Variants in MYLK2 observed in about 807,000 individuals in gnomAD.
MYLK2 encodes myosin light chain kinase 2, also known as myosin light chain kinase 2, skeletal/cardiac muscle.
In MYLK2, 27 loss-of-function variants were observed where a neutral mutation model predicts 58.2. That is an observed-to-expected ratio of 0.46 (90% CI 0.34 to 0.64). The LOEUF (loss-of-function observed/expected upper bound fraction) is 0.64. MYLK2 is among the 30% of genes least tolerant of loss of function. The pLI is 0.01. For synonymous variants in MYLK2, 310 were observed against 296.7 expected, an observed-to-expected ratio of 1.04 and a Z score of -0.46; for missense variants, 676 against 764.3, an observed-to-expected ratio of 0.88 and a Z score of 1.36.
At chr20:31,827,032 C>T (rs2062283920) in intron 8 of MYLK2, 94 bp downstream of exon 8, 12 of 1,579,580 alleles carry the variant, frequency 7.6e-6, no homozygotes, top group Non-Finnish European at 8.6e-6. Context: ...CCTCCCATCC[C>T]TCCATCTCTT....
In MYLK2 at chr20:31,833,996, C is replaced by T. The variant is rs1173030529; in HGVS notation, c.*199C>T. 3 of 597,094 alleles carry T rather than the reference C, an allele frequency of 5.0e-6. No homozygotes were observed. The highest frequency in any genetic ancestry group is 3.9e-5 in the South Asian group (2 of 51,158). 37.0% of individuals were successfully genotyped at this position (597,094 alleles called of 1,614,324 possible). On this transcript the variant is annotated 3_prime_UTR_variant, in exon 13 of 13. Coordinates refer to ENST00000375985, the MANE Select transcript of MYLK2 (RefSeq NM_033118.4). ...CGATGTGAGCCGCCTCGGAGTGTGG[C>T]CTGGATCCATCCTGCTAGCACCTCC...
intron 6 of MYLK2, among the ~76,000 whole-genome samples, chr20:31,825,406 C>T (rs905962826): frequency 1.3e-5 from 2 of 152,162 alleles, no homozygotes; most frequent in Non-Finnish European, 2.9e-5. Context: ...TTATTGAGCA[C>T]TTCTCTGCCA....
In MYLK2 at chr20:31,820,054, G is replaced by A. The variant is rs529245369; in HGVS notation, c.53-72G>A. On this transcript the variant is annotated intron_variant, in intron 2 of 12. Coordinates refer to ENST00000375985, the MANE Select transcript of MYLK2 (RefSeq NM_033118.4). ...GGGTGGGAACCTGGGCCCAGAGCTGGTCTCTGCCCAGCCTGGGTGAGAGGG... is the reference window on the plus strand; with the variant it reads ...GGGTGGGAACCTGGGCCCAGAGCTGATCTCTGCCCAGCCTGGGTGAGAGGG... 8.4e-5 allele frequency: 134 copies of A among 1,597,202 alleles called. 2 individuals are homozygous for A. In the South Asian group the frequency reaches 1.4e-3, roughly 16 times the overall value.
chr20:31,833,791 G>T lies in MYLK2; in HGVS notation c.1785G>T (p.Gly595=), dbSNP rs1418961002. The stretch of plus-strand genomic sequence containing the variant: ...GCTCGGGGGCACTGATGGCTCTGGG[G>T]GTCTGAGCCCTGGGCGCAGCTGAAG... ...ISSSGALMAL[G]V The change falls in exon 13 of 13, where the codon GGG becomes GGT. Residue 595 remains glycine, a synonymous_variant. Transcript: ENST00000375985. 2 of 1,612,480 alleles carry T rather than the reference G, an allele frequency of 1.2e-6. No homozygotes were observed. The highest frequency in any genetic ancestry group is 1.1e-5 in the South Asian group (1 of 91,078).
intron 5 of MYLK2, chr20:31,823,827 A>G: frequency 1.7e-6 from 1 of 594,346 alleles, no homozygotes; most frequent in South Asian, 7.3e-5. Context: ...AATACACAGC[A>G]TTTTTCTGTC....
intron 5 of MYLK2, 73 bp from the exon 6 acceptor site, chr20:31,824,186 G>C (rs1183780561): frequency 1.3e-6 from 2 of 1,565,068 alleles, no homozygotes; most frequent in Non-Finnish European, 1.7e-6. Flanking sequence ...ACCAAGTTAG[G>C]ATCAGAGCAA....
chr20:31,826,866 G>T lies in MYLK2; in HGVS notation c.1152G>T (p.Met384Ile). The T allele has an allele frequency of 6.2e-7, 1 of 1,614,138 alleles. No homozygotes were observed. Among genetic ancestry groups the T allele is most frequent in the Non-Finnish European group, 8.5e-7 (1 of 1,180,028 alleles). ...ACCATCTGACCGAGGTGGACACCAT[G>T]GTGTTTGTCAGGCAGATCTGTGACG... ...EDYHLTEVDT[M>I]VFVRQICDGI... Residue 384 changes from methionine (M) to isoleucine (I), a missense_variant, in exon 8 of 13, where the codon ATG (methionine) becomes ATT (isoleucine). Physicochemically the swap from Met to Ile is conservative, Grantham distance 10. Transcript: ENST00000375985.
In MYLK2 at chr20:31,833,662, G is replaced by A. The variant is rs573742915; in HGVS notation, c.1711-55G>A. 7 of 1,502,872 alleles carry A rather than the reference G, an allele frequency of 4.7e-6. No individual in the cohort carries two copies. The South Asian group carries it at 5.6e-5, about 12-fold the overall frequency. The allele number at this position is 1,502,872 out of a possible 1,614,324, so 93.1% of individuals were successfully genotyped here. A position where few individuals can be genotyped will look rare whatever the true frequency, so the allele number is the denominator to read the frequency against. The stretch of plus-strand genomic sequence containing the variant: ...GACTTACAGGCTGCTCAGACACCCT[G>A]CAGCTGCCCCCCTGCCCTGGTGTTG... On this transcript the variant is annotated intron_variant, in intron 12 of 12. Transcript: ENST00000375985.
chr20:31,826,958 TG>T lies in MYLK2; in HGVS notation c.1224+23del. 6.2e-7 allele frequency: 1 copy of T among 1,613,918 alleles called. No homozygotes were observed. Among genetic ancestry groups the T allele is most frequent in the South Asian group, 1.1e-5 (1 of 91,064 alleles). ...CTCAAGGTACCAGACTGGGGCCTCC[TG>T]GGAAGGGTCAGGGGCAGCCTCCGAC... is the stretch of plus-strand genomic sequence containing the variant. On this transcript the variant is annotated intron_variant, in intron 8 of 12. Transcript: ENST00000375985.
chr20:31,832,135 A>C lies in MYLK2; in HGVS notation c.1709A>C (p.Lys570Thr). ...LKKYLMKRRW[K>T]KNFIAVSAAN... ...AAATACCTCATGAAGAGGCGCTGGA[A>C]GGTACCGCTGGATTCAGGGTGGGGA... The change falls in exon 12 of 13, where the codon AAG (lysine) becomes ACG (threonine). Residue 570 changes from lysine (K) to threonine (T), a missense_variant and splice_region_variant. Coordinates refer to ENST00000375985, the MANE Select transcript of MYLK2 (RefSeq NM_033118.4). 1.5e-6 allele frequency: 2 copies of C among 1,299,222 alleles called. No homozygotes were observed. The highest frequency in any genetic ancestry group is 1.1e-6 in the Non-Finnish European group (1 of 940,510). 80.5% of individuals were successfully genotyped at this position (1,299,222 alleles called of 1,614,324 possible).
intron 12 of MYLK2, among the ~76,000 whole-genome samples, chr20:31,832,518 A>C (rs1008779354): frequency 3.3e-5 from 5 of 152,036 alleles, no homozygotes; most frequent in African/African-American, 1.2e-4. Context: ...CTTTCAATAC[A>C]GTCTTGCTCT....
chr20:31,831,442 G>A (rs898310485), intron 10 of MYLK2, among the ~76,000 whole-genome samples: 4 of 152,040 alleles, frequency 2.6e-5, no homozygotes, highest in Admixed American at 6.6e-5. Flanking sequence ...CCTTGCACTC[G>A]TCATTCCTCA....
At chr20:31,828,247 A>AGTGTGGAGCTCTGG in intron 8 of MYLK2, 2 of 985,188 alleles carry the variant, frequency 2.0e-6, no homozygotes, top group Non-Finnish European at 2.4e-6. Flanking sequence ...TCCGGAGCTG[A>AGTGTGGAGCTCTGG]GTGTGGAGCT....
At chr20:31,827,376 A>G (rs185223166) in intron 8 of MYLK2, 15 of 985,324 alleles carry the variant, frequency 1.5e-5, no homozygotes, top group East Asian at 1.1e-4. Flanking sequence ...ATGCCAGGCA[A>G]TGCTCTAGGT....
At chr20:31,824,020 C>T in intron 5 of MYLK2, 1 of 985,412 alleles carries the variant, frequency 1.0e-6, no homozygotes, top group Non-Finnish European at 1.2e-6. Context: ...CCCTACACGC[C>T]TGCTCTTCCT....
chr20:31,828,553 A>G, intron 8 of MYLK2: 1 of 982,768 alleles, frequency 1.0e-6, no homozygotes, highest in Non-Finnish European at 1.2e-6. Flanking sequence ...GGGGAAACAG[A>G]CATTCATAAA....
intron 8 of MYLK2, among the ~76,000 whole-genome samples, chr20:31,830,019 T>C (rs2062297862): frequency 6.6e-6 from 1 of 152,062 alleles, no homozygotes. Context: ...CACCCCAGAG[T>C]GCAGGATCAG....
chr20:31,821,417 C>T lies in MYLK2; in HGVS notation c.474-22C>T, dbSNP rs1376745708. The T allele has an allele frequency of 1.9e-6, 3 of 1,612,302 alleles. No individual in the cohort carries two copies. In the African/African-American group the frequency reaches 4.0e-5, roughly 22 times the overall value. On this transcript the variant is annotated intron_variant, in intron 3 of 12. Coordinates refer to ENST00000375985, the MANE Select transcript of MYLK2 (RefSeq NM_033118.4). ...CAGGCTGTGGCCGCTGAGGGCTTCA[C>T]CTCTGTGTTCTCACCTTCTAGTTCT... is the stretch of plus-strand genomic sequence containing the variant.
intron 8 of MYLK2, among the ~76,000 whole-genome samples, chr20:31,829,777 A>G (rs1048476129): frequency 6.6e-6 from 1 of 152,192 alleles, no homozygotes; most frequent in African/African-American, 2.4e-5. Context: ...AACCATTGTT[A>G]ACTTAAAAAT....
Sources: allele counts gnomAD v4.1 joint callset (sites outside exome capture counted in the v4.1 genomes callset), GRCh38; gene constraint gnomAD v4.1.1; transcripts MANE v1.5; gene names NCBI Gene and HGNC (gene_info 2026-07-23, HGNC 2026-07-21).